EVL: variants seen among roughly 807,000 people sequenced by gnomAD.
EVL encodes Enah/Vasp-like.
In EVL, 21 loss-of-function variants were observed where a neutral mutation model predicts 59.6. The observed-to-expected ratio is 0.35, with a 90% CI of 0.25 to 0.51. The LOEUF (loss-of-function observed/expected upper bound fraction) is 0.51. Among genes scored for constraint, EVL ranks in the 20% least tolerant of loss-of-function variants. EVL has a pLI of 0.97. For missense variants in EVL, 462 were observed against 546.6 expected (o/e 0.85, Z 1.54); for synonymous variants, 198 against 203.5 (o/e 0.97, Z 0.23).
intron 3 of EVL, among the ~76,000 whole-genome samples, chr14:100,118,196 C>T (rs1314537401): frequency 1.3e-5 from 2 of 152,150 alleles, no homozygotes; most frequent in African/African-American, 2.4e-5. Flanking sequence ...CCTGACCGCC[C>T]GAGTCTCAGC....
At chr14:100,129,960 A>G (rs773289263) in intron 7 of EVL, among the ~76,000 whole-genome samples, 1 of 152,232 alleles carries the variant, frequency 6.6e-6, no homozygotes, top group Non-Finnish European at 1.5e-5. Context: ...GCAGAGATAA[A>G]TGTGGAGACA....
At chr14:100,104,085 G>C (rs192966644) in intron 3 of EVL, among the ~76,000 whole-genome samples, 2 of 152,306 alleles carry the variant, frequency 1.3e-5, no homozygotes, top group East Asian at 3.9e-4. Flanking sequence ...CATCCCTTTA[G>C]AGTGCTCAGG....
At chr14:100,084,507 G>C (rs1032033933) in intron 1 of EVL, among the ~76,000 whole-genome samples, 180 bp from the exon 2 acceptor site, 1 of 152,202 alleles carries the variant, frequency 6.6e-6, no homozygotes, top group South Asian at 2.1e-4. Context: ...CACTCTGCAA[G>C]CTCCTTAGAG....
At chr14:99,992,018 T>C (rs973103748) in intron 1 of EVL, among the ~76,000 whole-genome samples, 4 of 150,396 alleles carry the variant, frequency 2.7e-5, no homozygotes. Context: ...CTGCATCATA[T>C]GGTAATTTTA....
In EVL at chr14:100,053,717, T is replaced by C. The variant is rs1314558866; in HGVS notation, c.6-30970T>C. On this transcript the variant is annotated intron_variant, in intron 1 of 13. Coordinates refer to the EVL transcript ENST00000402714. ...TGACTTTGTAACCACCATCTTTATC[T>C]AGTTTTTATATATTTTTATTACCCA... is the stretch of plus-strand genomic sequence containing the variant. Among the ~76,000 whole-genome samples the C allele has an allele frequency of 2.0e-5, 3 of 152,314 alleles. No homozygotes were observed. In the South Asian group the frequency reaches 6.2e-4, roughly 32 times the overall value.
At chr14:100,047,259 A>C (rs1025031263) in intron 1 of EVL, among the ~76,000 whole-genome samples, 5 of 151,394 alleles carry the variant, frequency 3.3e-5, no homozygotes, top group African/African-American at 1.2e-4. Flanking sequence ...TCTTACCTAA[A>C]GTAGACGGGC....
At chr14:100,083,740 T>C (rs2062367259) in intron 1 of EVL, among the ~76,000 whole-genome samples, 1 of 152,240 alleles carries the variant, frequency 6.6e-6, no homozygotes, top group Non-Finnish European at 1.5e-5. Flanking sequence ...TTATGTTGCA[T>C]TTTTCTTTAG....
At chr14:100,044,381 A>AT (rs905114310) in intron 1 of EVL, among the ~76,000 whole-genome samples, 2 of 152,194 alleles carry the variant, frequency 1.3e-5, no homozygotes, top group Non-Finnish European at 2.9e-5. Context: ...TTATACAGAG[A>AT]TTTTGGCTTA....
At chr14:100,053,105 A>T (rs1170358430) in intron 1 of EVL, 1 of 152,092 alleles carries the variant, frequency 6.6e-6, no homozygotes, top group Non-Finnish European at 1.5e-5. Context: ...ACCTTAATTG[A>T]CTTTCTGCAG....
intron 1 of EVL, among the ~76,000 whole-genome samples, chr14:100,028,664 A>G (rs1029686075): frequency 2.6e-5 from 4 of 152,170 alleles, no homozygotes; most frequent in Admixed American, 1.3e-4. Flanking sequence ...TACAAAAATC[A>G]GCGAGGCATG....
chr14:100,084,534 C>G (rs1217988442), intron 1 of EVL, among the ~76,000 whole-genome samples, 153 bp from the exon 2 acceptor site: 1 of 152,198 alleles, frequency 6.6e-6, no homozygotes, highest in Non-Finnish European at 1.5e-5. Flanking sequence ...AGCTCATCAC[C>G]TCACCAGGCA....
Position 100,035,338 on chromosome 14 carries a change from G to T in EVL, c.6-49349G>T, listed in dbSNP as rs201800284. 5.4e-5 allele frequency among the ~76,000 whole-genome samples: 8 copies of T among 149,146 alleles called. 1 individual carries two copies. The East Asian group carries it at 1.2e-3, about 22-fold the overall frequency. ...GGTAATTTCATTCAACAGTGTATGTGTTTTTTTTTCTTTTTATATGCTGCT... is the reference window on the plus strand; with the variant it reads ...GGTAATTTCATTCAACAGTGTATGTTTTTTTTTTTCTTTTTATATGCTGCT... On this transcript the variant is annotated intron_variant, in intron 1 of 13. Transcript: ENST00000402714.
chr14:100,125,718 G>C (rs140531296), intron 4 of EVL, among the ~76,000 whole-genome samples: 1,604 of 152,118 alleles, frequency 0.011, 27 homozygotes, highest in African/African-American at 0.037. Context: ...ACCACACCCA[G>C]CTCATTTTTG....
At chr14:100,009,398 A>G (rs2061002479) in intron 1 of EVL, among the ~76,000 whole-genome samples, 1 of 152,244 alleles carries the variant, frequency 6.6e-6, no homozygotes. Flanking sequence ...TCATTCATGT[A>G]GTCTTCATTT....
chr14:100,129,091 T>G (rs928112490), intron 6 of EVL, among the ~76,000 whole-genome samples: 1 of 152,230 alleles, frequency 6.6e-6, no homozygotes, highest in South Asian at 2.1e-4. Flanking sequence ...GTCTCCTGAA[T>G]CTATGTCCAT....
chr14:99,980,002 G>T (rs957238914), intron 1 of EVL, among the ~76,000 whole-genome samples: 16 of 152,162 alleles, frequency 1.1e-4, no homozygotes, highest in African/African-American at 3.9e-4. Flanking sequence ...CATTTGCATT[G>T]TATTAGGTGT....
chr14:100,079,634 G>A (rs1464818486), intron 1 of EVL, among the ~76,000 whole-genome samples: 1 of 152,154 alleles, frequency 6.6e-6, no homozygotes, highest in Admixed American at 6.5e-5. Flanking sequence ...AACCTCTTGT[G>A]GTTAGCCTCG....
intron 1 of EVL, among the ~76,000 whole-genome samples, chr14:99,978,550 A>C (rs1049987439): frequency 1.3e-5 from 2 of 152,190 alleles, no homozygotes; most frequent in African/African-American, 2.4e-5. Flanking sequence ...TCTCCATTGC[A>C]GACTGCTTAT....
At chr14:100,141,844 A>G (rs1376800737) in intron 13 of EVL, 51 bp downstream of exon 13, 9 of 1,580,974 alleles carry the variant, frequency 5.7e-6, no homozygotes, top group Non-Finnish European at 7.8e-6. Flanking sequence ...GCCGCAGGAC[A>G]AGGGTCCCTG....
Sources: gnomAD v4.1 joint callset for allele counts (sites outside exome capture counted in the v4.1 genomes callset) on GRCh38, gnomAD v4.1.1 for gene constraint, MANE v1.5 for transcripts, NCBI Gene and HGNC (gene_info 2026-07-23, HGNC 2026-07-21) for gene names.